Variants in INTS1 observed in about 807,000 individuals in gnomAD.
INTS1 encodes integrator complex subunit 1.
In INTS1, 137 loss-of-function variants were observed where a neutral mutation model predicts 241.6. The ratio of observed to expected loss-of-function variants is 0.57; its 90% CI spans 0.49 to 0.65. INTS1 has a LOEUF of 0.65. Among genes scored for constraint, INTS1 ranks in the 30% least tolerant of loss-of-function variants. The pLI is 0.00. For synonymous variants in INTS1, 1,692 were observed against 1,337.8 expected (o/e 1.26, Z -5.78); for missense variants, 3,073 against 3,032.2 (o/e 1.01, Z -0.32).
At position 1,471,129 on chromosome 7, in the gene INTS1, T is replaced by C; in HGVS notation, c.6347+4A>G. 6.4e-7 allele frequency: 1 copy of C among 1,562,136 alleles called. No homozygotes were observed. Among genetic ancestry groups the C allele is most frequent in the Non-Finnish European group, 8.7e-7 (1 of 1,153,994 alleles). On this transcript the variant is annotated splice_donor_region_variant and intron_variant, in intron 46 of 47. Transcript: ENST00000404767. The stretch of plus-strand genomic sequence containing the variant: ...GGCGGGACAGAGGCCGGCGGTGGCC[T>C]CACCTGGGGCTGTTCTGCATGGAGC...
chr7:1,496,654 C>G (rs1367529261), intron 11 of INTS1, among the ~76,000 whole-genome samples: 1 of 152,160 alleles, frequency 6.6e-6, no homozygotes, highest in Admixed American at 6.5e-5. Flanking sequence ...CCTAGTCTGG[C>G]CACAGGAGGG....
chr7:1,496,823 C>T (rs998792750), intron 11 of INTS1, among the ~76,000 whole-genome samples: 1 of 152,188 alleles, frequency 6.6e-6, no homozygotes, highest in Admixed American at 6.5e-5. Context: ...AGTCTCCAAC[C>T]CAGCCAGGCA....
chr7:1,503,407 G>C (rs568446111), intron 2 of INTS1, among the ~76,000 whole-genome samples: 1 of 152,166 alleles, frequency 6.6e-6, no homozygotes, highest in Non-Finnish European at 1.5e-5. Context: ...CACAAACCAG[G>C]CCATCTCTGG....
chr7:1,499,426 C>A (rs760509933), intron 6 of INTS1, 47 bp downstream of exon 6: 1 of 1,557,116 alleles, frequency 6.4e-7, no homozygotes, highest in Non-Finnish European at 8.7e-7. Context: ...CCCTCCCCTG[C>A]CCTGGGGCTT....
Position 1,481,406 on chromosome 7 carries a change from G to A in INTS1, c.3786C>T (p.Leu1262=). Residue 1262 remains leucine (L), a synonymous_variant, in exon 28 of 48, where the codon CTC becomes CTT. Transcript: ENST00000404767. The surrounding 1 kb of genome is among the most constrained non-coding windows in gnomAD (Gnocchi z 6.8). ...GGGCCACTGCCTGGTCCAGGAACTG[G>A]AGGAGTTTGCTCATGCTGGACACGG... The part of the protein sequence containing the change: ...GIPVSSMSKL[L]QFLDQAVAHD... 3 of 1,612,960 alleles carry A rather than the reference G, an allele frequency of 1.9e-6. No homozygotes were observed. The highest frequency in any genetic ancestry group is 2.5e-6 in the Non-Finnish European group (3 of 1,179,744).
intron 18 of INTS1, among the ~76,000 whole-genome samples, chr7:1,488,402 C>T (rs910092082): frequency 6.6e-6 from 1 of 152,126 alleles, no homozygotes; most frequent in Non-Finnish European, 1.5e-5. Context: ...AAACCCAGCT[C>T]CCCATGGCCG....
Position 1,493,201 on chromosome 7 carries a change from TG to T in INTS1, c.2069-96del. The T allele has an allele frequency of 1.7e-6, 1 of 579,002 alleles. No homozygotes were observed. Among genetic ancestry groups the T allele is most frequent in the African/African-American group, 2.1e-5 (1 of 47,116 alleles). The allele number at this position is 579,002 out of a possible 1,614,324, so 35.9% of individuals were successfully genotyped here. ...CGGCCCTGCTCGGGCCGCGTCGGGGTGGGGTGGGGGATGCCGCAGGGTGGGG... is the reference window on the plus strand; with the variant it reads ...CGGCCCTGCTCGGGCCGCGTCGGGGTGGGTGGGGGATGCCGCAGGGTGGGG... On this transcript the variant is annotated intron_variant, in intron 15 of 47. Transcript: ENST00000404767. This position sits in a 1 kb window ranked among gnomAD's most constrained non-coding sequence, Gnocchi z 5.3.
chr7:1,502,939 GA>G lies in INTS1; in HGVS notation c.310del (p.Ser104LeufsTer43). 2 of 1,613,856 alleles carry G rather than the reference GA, an allele frequency of 1.2e-6. No individual in the cohort carries two copies. Among genetic ancestry groups the G allele is most frequent in the Non-Finnish European group, 8.5e-7 (1 of 1,179,886 alleles). On this transcript the variant is annotated frameshift_variant, in exon 3 of 48. Transcript: ENST00000404767. LOFTEE classifies it high-confidence loss of function. ...CACAGATGGCTCTTTAATCGACGGA[GA>G]AATGGCTCGTTTTTCTGCCACTGCA... is the stretch of plus-strand genomic sequence containing the variant. ...EAAVAEKRAI[S>X]PSIKEPSVVP...
chr7:1,500,882 C>G (rs1321440909), intron 3 of INTS1: 1 of 154,260 alleles, frequency 6.5e-6, no homozygotes, highest in African/African-American at 2.4e-5. Context: ...GCACCAGGGC[C>G]AGCACACACC....
At position 1,486,503 on chromosome 7, in the gene INTS1, A is replaced by G. The variant is rs866061426; in HGVS notation, c.2976+122T>C. 7.9e-5 allele frequency: 86 copies of G among 1,090,000 alleles called. No homozygotes were observed. The Middle Eastern group carries it at 2.4e-3, about 30-fold the overall frequency. 67.5% of individuals were successfully genotyped at this position (1,090,000 alleles called of 1,614,324 possible). Reference sequence around the variant, plus strand: ...TGGTCTCCAACTCCTGACCTCAGGTAATCTGCCTGCCTTGGCCTCCCAAAG... The same window carrying G: ...TGGTCTCCAACTCCTGACCTCAGGTGATCTGCCTGCCTTGGCCTCCCAAAG... On this transcript the variant is annotated intron_variant, in intron 22 of 47. Coordinates refer to ENST00000404767, the MANE Select transcript of INTS1 (RefSeq NM_001080453.3).
At position 1,480,343 on chromosome 7, in the gene INTS1, C is replaced by T; in HGVS notation, c.4048G>A (p.Asp1350Asn). The T allele has an allele frequency of 6.2e-7, 1 of 1,610,866 alleles. No homozygotes were observed. The highest frequency in any genetic ancestry group is 8.5e-7 in the Non-Finnish European group (1 of 1,179,192). The change falls in exon 30 of 48, where the codon GAC becomes AAC. Residue 1350 changes from aspartate (D) to asparagine (N), a missense_variant. By Grantham distance (23) the Asp-to-Asn change is conservative. Coordinates refer to ENST00000404767, the MANE Select transcript of INTS1 (RefSeq NM_001080453.3). ...TGGAGGAACATGCCAGCCAGGTCGTCCTCAGGGCCCAGCACCCGGAGCTGG... is the reference window on the plus strand; with the variant it reads ...TGGAGGAACATGCCAGCCAGGTCGTTCTCAGGGCCCAGCACCCGGAGCTGG... ...GTQLRVLGPE[D>N]DLAGMFLQIF...
In INTS1 at chr7:1,497,767, TG is replaced by T. The variant is rs1314316939; in HGVS notation, c.1426-454del. On this transcript the variant is annotated intron_variant, in intron 10 of 47. Coordinates refer to ENST00000404767, the MANE Select transcript of INTS1 (RefSeq NM_001080453.3). This position sits in a 1 kb window ranked among gnomAD's most constrained non-coding sequence, Gnocchi z 5.3. ...GCTGAGAGCGGCTGTGCCTCCCTCG[TG>T]TTTCACACTCCATAGAGCCCACCGG... Among the ~76,000 whole-genome samples the T allele has an allele frequency of 6.6e-6, 1 of 152,220 alleles. No individual in the cohort carries two copies.
At chr7:1,491,021 C>T (rs190243266) in intron 16 of INTS1, among the ~76,000 whole-genome samples, 22 of 152,338 alleles carry the variant, frequency 1.4e-4, no homozygotes, top group Non-Finnish European at 1.9e-4. Flanking sequence ...AACAGTGCTG[C>T]GACAACCAGA....
At chr7:1,486,530 G>A in intron 22 of INTS1, 95 bp downstream of exon 22, 4 of 1,404,086 alleles carry the variant, frequency 2.8e-6, no homozygotes, top group Non-Finnish European at 2.9e-6. Flanking sequence ...CTCCCAAAGT[G>A]CTGGGATGAC....
At chr7:1,494,667 A>T in intron 14 of INTS1, 149 bp downstream of exon 14, 1 of 757,526 alleles carries the variant, frequency 1.3e-6, no homozygotes, top group Non-Finnish European at 2.2e-6. Context: ...GAAGGGTGGC[A>T]CCCAGGATTG....
rs1782016273 is a variant in INTS1, at chr7:1,481,888, CA to C, written c.3704-401del. Among the ~76,000 whole-genome samples, 1 of 151,874 alleles carries C rather than the reference CA, an allele frequency of 6.6e-6. No individual in the cohort carries two copies. Among genetic ancestry groups the C allele is most frequent in the African/African-American group, 2.4e-5 (1 of 41,418 alleles). ...ATGGCAGCTGTGTGGGCCCCATCCC[CA>C]GGGGTGGGTGGGCGCTCCAGAGGGC... On this transcript the variant is annotated intron_variant, in intron 27 of 47. Transcript: ENST00000404767. The surrounding 1 kb of genome is among the most constrained non-coding windows in gnomAD (Gnocchi z 6.8).
intron 18 of INTS1, among the ~76,000 whole-genome samples, chr7:1,488,204 A>G (rs1199694394): frequency 6.6e-6 from 1 of 152,084 alleles, no homozygotes; most frequent in Non-Finnish European, 1.5e-5. Context: ...GCCTGCCCTC[A>G]CCAGAGCCAA....
chr7:1,484,275 G>A, intron 24 of INTS1, 105 bp from the exon 25 acceptor site: 2 of 1,225,496 alleles, frequency 1.6e-6, no homozygotes, highest in Non-Finnish European at 2.3e-6. Flanking sequence ...TCTTAAGCAG[G>A]GCCCGCGGCA....
chr7:1,500,066 G>A (rs753905296), intron 4 of INTS1, 45 bp from the exon 5 acceptor site: 4 of 1,604,700 alleles, frequency 2.5e-6, no homozygotes, highest in Non-Finnish European at 3.4e-6. Context: ...GCTGGCCCCA[G>A]AGGCAAAGCT....
Sources: allele counts gnomAD v4.1 joint callset (sites outside exome capture counted in the v4.1 genomes callset), GRCh38; gene constraint gnomAD v4.1.1; non-coding constraint Gnocchi (gnomAD v3.1); transcripts MANE v1.5; gene names NCBI Gene and HGNC (gene_info 2026-07-23, HGNC 2026-07-21).